Variants in CELF4 observed in about 807,000 individuals in gnomAD.
CELF4 encodes the protein CUG-BP- and ETR-3-like factor 4.
CELF4 carries 18 observed loss-of-function variants against 59.9 expected under a neutral mutation model. That is an observed-to-expected ratio of 0.30 (90% CI 0.21 to 0.45). The LOEUF (loss-of-function observed/expected upper bound fraction) is 0.45, where lower values mean the gene tolerates loss of function less well. Among genes scored for constraint, CELF4 ranks in the 20% least tolerant of loss-of-function variants. The pLI, the probability that CELF4 is intolerant of heterozygous loss-of-function variation, is 1.00. For synonymous variants in CELF4, 261 were observed against 267.1 expected (o/e 0.98, Z 0.22); for missense variants, 456 against 689.0 (o/e 0.66, Z 3.79).
chr18:37,492,945 C>T (rs1184813333), intron 1 of CELF4, among the ~76,000 whole-genome samples: 1 of 152,180 alleles, frequency 6.6e-6, no homozygotes, highest in African/African-American at 2.4e-5. Flanking sequence ...TCTGTGTGTC[C>T]AGCCAAGGTT....
At chr18:37,377,673 TGTGTTCCTGGGGA>T (rs1349915858) in intron 2 of CELF4, among the ~76,000 whole-genome samples, 1 of 152,090 alleles carries the variant, frequency 6.6e-6, no homozygotes, top group Non-Finnish European at 1.5e-5. Flanking sequence ...GGAAGACGGG[TGTGTTCCTGGGGA>T]CATGTCTTGA....
intron 1 of CELF4, among the ~76,000 whole-genome samples, chr18:37,496,914 G>A (rs2099925829): frequency 6.6e-6 from 1 of 152,212 alleles, no homozygotes; most frequent in Non-Finnish European, 1.5e-5. Flanking sequence ...CAAATCCAGA[G>A]GGGCCCTAAG....
At position 37,478,329 on chromosome 18, in the gene CELF4, T is replaced by G. The variant is rs188771332; in HGVS notation, c.369+7196A>C. ...TGGACCTGGCCCAGGTTCCCTCTGCTTATTATCTCATGTGCCCTCTTGTTT... is the reference window on the plus strand; with the variant it reads ...TGGACCTGGCCCAGGTTCCCTCTGCGTATTATCTCATGTGCCCTCTTGTTT... On this transcript the variant is annotated intron_variant, in intron 2 of 12. Transcript: ENST00000420428. 3.6e-3 allele frequency among the ~76,000 whole-genome samples: 543 copies of G among 152,312 alleles called. 1 individual carries two copies. The highest frequency in any genetic ancestry group is 0.012 in the African/African-American group (518 of 41,568).
chr18:37,414,363 C>A (rs1225364874), intron 2 of CELF4, among the ~76,000 whole-genome samples: 1 of 151,964 alleles, frequency 6.6e-6, no homozygotes, highest in Admixed American at 6.6e-5. Flanking sequence ...TCCACCTATC[C>A]ATCTACGCAT....
Position 37,341,725 on chromosome 18 carries a change from C to A in CELF4, c.370-19844G>T, listed in dbSNP as rs182186805. On this transcript the variant is annotated intron_variant, in intron 2 of 12. Transcript: ENST00000420428. ...GCCTGGGGTGGAGTTGGGCCAGTGACCACTTAGGTTCCTTTTGACTCTAGG... is the reference window on the plus strand; with the variant it reads ...GCCTGGGGTGGAGTTGGGCCAGTGAACACTTAGGTTCCTTTTGACTCTAGG... Among the ~76,000 whole-genome samples, 322 of 152,232 alleles carry A rather than the reference C, an allele frequency of 2.1e-3. 1 individual carries two copies. The highest frequency in any genetic ancestry group is 7.5e-3 in the African/African-American group (311 of 41,532).
rs1320686059 is a variant in CELF4 at position 37,394,243 on chromosome 18, G to T, written c.370-72362C>A. Reference sequence around the variant, plus strand: ...ACTCTGGACAGGCGCGAGGGGCGGGGCGGAGGGCGCGGGCAGCGCAGAGCA... The same window carrying T: ...ACTCTGGACAGGCGCGAGGGGCGGGTCGGAGGGCGCGGGCAGCGCAGAGCA... On this transcript the variant is annotated intron_variant, in intron 2 of 12. Coordinates refer to ENST00000420428, the MANE Select transcript of CELF4 (RefSeq NM_020180.4). Among the ~76,000 whole-genome samples the T allele has an allele frequency of 2.0e-5, 3 of 152,234 alleles. No homozygotes were observed. The East Asian group carries it at 5.8e-4, about 29-fold the overall frequency.
chr18:37,258,753 C>A (rs968734673), intron 11 of CELF4, among the ~76,000 whole-genome samples: 1 of 152,158 alleles, frequency 6.6e-6, no homozygotes, highest in Admixed American at 6.5e-5. Flanking sequence ...TCAGGCCAGG[C>A]CACTCTCACC....
chr18:37,545,867 G>C (rs1342727748), intron 1 of CELF4, among the ~76,000 whole-genome samples: 1 of 152,166 alleles, frequency 6.6e-6, no homozygotes, highest in Non-Finnish European at 1.5e-5. Context: ...CAGGGAATCT[G>C]TGGGCAGAAT....
At chr18:37,298,522 C>A (rs1486183254) in intron 3 of CELF4, among the ~76,000 whole-genome samples, 1 of 152,034 alleles carries the variant, frequency 6.6e-6, no homozygotes, top group Non-Finnish European at 1.5e-5. Flanking sequence ...GAGTTTGAGA[C>A]CAGCCTGGGC....
chr18:37,335,933 C>A (rs1027490434), intron 2 of CELF4, among the ~76,000 whole-genome samples: 1 of 152,202 alleles, frequency 6.6e-6, no homozygotes, highest in South Asian at 2.1e-4. Context: ...ACCGCCACTG[C>A]CCAGGGGCCC....
intron 2 of CELF4, among the ~76,000 whole-genome samples, chr18:37,373,742 G>A (rs973964511): frequency 2.6e-5 from 4 of 152,170 alleles, no homozygotes; most frequent in Admixed American, 6.5e-5. Context: ...CCTGGGGAGG[G>A]TCCAGGGAGG....
intron 2 of CELF4, among the ~76,000 whole-genome samples, chr18:37,408,123 T>C (rs990647676): frequency 2.0e-5 from 3 of 152,182 alleles, no homozygotes; most frequent in Non-Finnish European, 4.4e-5. Context: ...TAGCTCTGTC[T>C]ACCTTTCCTC....
intron 1 of CELF4, among the ~76,000 whole-genome samples, chr18:37,500,098 A>G (rs193083880): frequency 1.6e-4 from 24 of 152,260 alleles, no homozygotes; most frequent in Non-Finnish European, 3.5e-4. Context: ...AGCTGACTGT[A>G]AGTCAACAGA....
intron 7 of CELF4, 32 bp from the exon 8 acceptor site, chr18:37,270,949 G>A: frequency 6.4e-7 from 1 of 1,562,052 alleles, no homozygotes; most frequent in Non-Finnish European, 8.7e-7. Context: ...GGTGGAGGAG[G>A]AGGGGAGGCA....
intron 2 of CELF4, among the ~76,000 whole-genome samples, chr18:37,352,911 A>G (rs1233273433): frequency 1.3e-5 from 2 of 152,122 alleles, no homozygotes; most frequent in African/African-American, 2.4e-5. Context: ...CGAATGCACC[A>G]GAGGCTGGGA....
chr18:37,284,449 G>C (rs757268015), intron 3 of CELF4, among the ~76,000 whole-genome samples: 2 of 152,108 alleles, frequency 1.3e-5, no homozygotes, highest in African/African-American at 4.8e-5. Flanking sequence ...TCTCGCCTGC[G>C]CCTGGCCTCA....
At chr18:37,469,663 G>A (rs924225005) in intron 2 of CELF4, among the ~76,000 whole-genome samples, 12 of 152,186 alleles carry the variant, frequency 7.9e-5, no homozygotes, top group African/African-American at 2.2e-4. Flanking sequence ...CAGATAAATC[G>A]TTTAATAAGA....
At chr18:37,362,810 C>T (rs897731811) in intron 2 of CELF4, among the ~76,000 whole-genome samples, 14 of 152,250 alleles carry the variant, frequency 9.2e-5, no homozygotes, top group Admixed American at 7.2e-4. Context: ...CAGGGCCTCC[C>T]TCACATCTCA....
chr18:37,321,282 T>C (rs2154521147), intron 3 of CELF4, among the ~76,000 whole-genome samples: 1 of 152,304 alleles, frequency 6.6e-6, no homozygotes, highest in African/African-American at 2.4e-5. Flanking sequence ...AGTGAGGCTG[T>C]GTCCTTCCCC....
Sources: allele counts gnomAD v4.1 joint callset (sites outside exome capture counted in the v4.1 genomes callset), GRCh38; gene constraint gnomAD v4.1.1; transcripts MANE v1.5; gene names NCBI Gene and HGNC (gene_info 2026-07-23, HGNC 2026-07-21).